SNTG1: variants seen among roughly 807,000 people sequenced by gnomAD.
SNTG1 encodes syntrophin gamma 1.
SNTG1 carries 39 observed loss-of-function variants against 74.7 expected under a neutral mutation model. The observed-to-expected ratio is 0.52, with a 90% confidence interval of 0.40 to 0.68. The LOEUF is 0.68. Among genes scored for constraint, SNTG1 ranks in the 30% least tolerant of loss-of-function variants. The pLI, the probability that SNTG1 is intolerant of heterozygous loss-of-function variation, is 0.00. For synonymous variants in SNTG1, 254 were observed against 217.1 expected (o/e 1.17, Z -1.49); for missense variants, 685 against 609.5 (o/e 1.12, Z -1.30).
At chr8:49,991,069 C>T (rs892505218) in intron 1 of SNTG1, among the ~76,000 whole-genome samples, 1 of 152,112 alleles carries the variant, frequency 6.6e-6, no homozygotes, top group African/African-American at 2.4e-5. Context: ...ATACAGAATA[C>T]ATGAAGAGCT....
chr8:50,500,591 A>T (rs1387635726), intron 8 of SNTG1, among the ~76,000 whole-genome samples: 3 of 152,166 alleles, frequency 2.0e-5, no homozygotes, highest in Non-Finnish European at 4.4e-5. Flanking sequence ...TCTCAATATG[A>T]CATATACTTT....
At chr8:49,969,736 C>A in intron 1 of SNTG1, among the ~76,000 whole-genome samples, 1 of 151,978 alleles carries the variant, frequency 6.6e-6, no homozygotes, top group East Asian at 1.9e-4. Flanking sequence ...TACATATGAT[C>A]ATGTAGGGTG....
chr8:50,471,880 C>T (rs76576183), intron 8 of SNTG1, among the ~76,000 whole-genome samples: 3,832 of 152,172 alleles, frequency 0.025, 66 homozygotes, highest in Admixed American at 0.041. Flanking sequence ...TGAAAATTGA[C>T]ACATAAAAAT....
intron 1 of SNTG1, among the ~76,000 whole-genome samples, chr8:49,988,164 C>A (rs1002210839): frequency 6.6e-6 from 1 of 151,932 alleles, no homozygotes; most frequent in South Asian, 2.1e-4. Context: ...GAAACAGACA[C>A]AAAACAACAA....
At chr8:50,114,731 TG>T (rs774066154) in intron 1 of SNTG1, among the ~76,000 whole-genome samples, 2 of 151,874 alleles carry the variant, frequency 1.3e-5, no homozygotes, top group African/African-American at 2.4e-5. Context: ...TGGGCGTAGA[TG>T]TGCACGCCTG....
At chr8:50,689,261 G>T (rs2095366869) in intron 15 of SNTG1, among the ~76,000 whole-genome samples, 1 of 152,024 alleles carries the variant, frequency 6.6e-6, no homozygotes, top group South Asian at 2.1e-4. Context: ...CTGCCTGATT[G>T]CCCTGGCCAG....
At chr8:50,380,568 A>G (rs951448651) in intron 2 of SNTG1, among the ~76,000 whole-genome samples, 9 of 152,204 alleles carry the variant, frequency 5.9e-5, no homozygotes, top group East Asian at 1.9e-4. Flanking sequence ...TTAAATCCAA[A>G]ATATTTTTGC....
At chr8:49,919,149 T>C (rs949343816) in intron 1 of SNTG1, among the ~76,000 whole-genome samples, 1 of 152,132 alleles carries the variant, frequency 6.6e-6, no homozygotes, top group Non-Finnish European at 1.5e-5. Context: ...TCTCTTTCTC[T>C]GTCTTACTCA....
intron 2 of SNTG1, among the ~76,000 whole-genome samples, chr8:50,304,207 C>A (rs982812147): frequency 6.6e-6 from 1 of 152,088 alleles, no homozygotes; most frequent in Non-Finnish European, 1.5e-5. Flanking sequence ...ATAGGTTTTG[C>A]CTCTATTTTC....
At chr8:50,405,076 T>G (rs1256951974) in intron 4 of SNTG1, among the ~76,000 whole-genome samples, 1 of 152,162 alleles carries the variant, frequency 6.6e-6, no homozygotes, top group African/African-American at 2.4e-5. Flanking sequence ...TGAGGTTGTT[T>G]CCACCTTGGC....
chr8:50,144,552 A>G (rs971572073), intron 1 of SNTG1, among the ~76,000 whole-genome samples: 1 of 152,162 alleles, frequency 6.6e-6, no homozygotes, highest in African/African-American at 2.4e-5. Context: ...AGAATTTTAT[A>G]TGTTTCATGC....
Position 49,977,867 on chromosome 8 carries a change from C to T in SNTG1, c.-103+65636C>T, listed in dbSNP as rs547152026. Among the ~76,000 whole-genome samples the T allele has an allele frequency of 7.2e-5, 11 of 152,318 alleles. No homozygotes were observed. The South Asian group carries it at 2.1e-3, about 29-fold the overall frequency. On this transcript the variant is annotated intron_variant, in intron 1 of 18. Coordinates refer to ENST00000642720, the MANE Select transcript of SNTG1 (RefSeq NM_018967.5). ...CAGACTCTGTAGTGGAGATGTGGCACCACAAACACTGCTTGGGCGTTAGAC... is the reference window on the plus strand; with the variant it reads ...CAGACTCTGTAGTGGAGATGTGGCATCACAAACACTGCTTGGGCGTTAGAC...
chr8:50,600,998 T>C (rs1209606779), intron 13 of SNTG1, among the ~76,000 whole-genome samples: 1 of 151,354 alleles, frequency 6.6e-6, no homozygotes, highest in African/African-American at 2.4e-5. Context: ...TGAAACCCCA[T>C]CTCTACTGAA....
chr8:49,915,807 G>A (rs987359273), intron 1 of SNTG1, among the ~76,000 whole-genome samples: 5 of 152,202 alleles, frequency 3.3e-5, no homozygotes, highest in Non-Finnish European at 5.9e-5. Context: ...TGGACAACAT[G>A]CGGGCTGATC....
Position 50,191,473 on chromosome 8 carries a change from C to A in SNTG1, c.-28+18838C>A, listed in dbSNP as rs1225721583. 3.3e-5 allele frequency among the ~76,000 whole-genome samples: 5 copies of A among 152,210 alleles called. No individual in the cohort carries two copies. The South Asian group carries it at 6.2e-4, about 19-fold the overall frequency. On this transcript the variant is annotated intron_variant, in intron 2 of 18. Transcript: ENST00000642720. The stretch of plus-strand genomic sequence containing the variant: ...CACTACTGGAAATAGTTCGGCAAAT[C>A]ATTTGCCTCACTATCTTTGGTTAAT...
intron 1 of SNTG1, among the ~76,000 whole-genome samples, chr8:50,081,877 C>G (rs776565777): frequency 6.6e-6 from 1 of 152,160 alleles, no homozygotes; most frequent in Non-Finnish European, 1.5e-5. Flanking sequence ...GAGATCCACT[C>G]ACCTCAGCCT....
chr8:50,410,552 G>A (rs2092934857), intron 4 of SNTG1, among the ~76,000 whole-genome samples: 1 of 152,112 alleles, frequency 6.6e-6, no homozygotes, highest in Admixed American at 6.5e-5. Context: ...TACACATTGT[G>A]TAATGATTTT....
At chr8:50,078,188 A>G (rs966649037) in intron 1 of SNTG1, among the ~76,000 whole-genome samples, 1 of 152,224 alleles carries the variant, frequency 6.6e-6, no homozygotes, top group South Asian at 2.1e-4. Context: ...GTAAGATAAT[A>G]AGTTTCAACA....
At chr8:50,239,509 T>G (rs557151382) in intron 2 of SNTG1, among the ~76,000 whole-genome samples, 2 of 152,260 alleles carry the variant, frequency 1.3e-5, no homozygotes, top group Non-Finnish European at 2.9e-5. Flanking sequence ...TTACTGTCCA[T>G]GAGAACAGCA....
Sources: gnomAD v4.1 joint callset for allele counts (sites outside exome capture counted in the v4.1 genomes callset) on GRCh38, gnomAD v4.1.1 for gene constraint, MANE v1.5 for transcripts, NCBI Gene and HGNC (gene_info 2026-07-23, HGNC 2026-07-21) for gene names.